EVA1A: variants seen among roughly 807,000 people sequenced by gnomAD.
EVA1A encodes eva-1 homolog A, regulator of programmed cell death, also known as protein eva-1 homolog A.
EVA1A carries 7 observed loss-of-function variants against 9.8 expected under a neutral mutation model. The observed-to-expected ratio is 0.71, with a 90% CI of 0.41 to 1.34. The LOEUF (loss-of-function observed/expected upper bound fraction) is 1.34. Ranked by LOEUF, EVA1A falls within the 40% of genes most tolerant of loss-of-function variation. The probability of loss-of-function intolerance (pLI) is 0.01; values close to 1 mark genes in which losing one functional copy is unlikely to be tolerated. For missense variants in EVA1A, 206 were observed against 205.9 expected, an observed-to-expected ratio of 1.00 and a Z score of 0.00; for synonymous variants, 90 against 85.6, an observed-to-expected ratio of 1.05 and a Z score of -0.28.
chr2:75,538,339 G>A (rs1029570278), intron 1 of EVA1A, among the ~76,000 whole-genome samples: 9 of 152,176 alleles, frequency 5.9e-5, no homozygotes, highest in East Asian at 1.9e-4. Flanking sequence ...AGTTCAGCAC[G>A]GTTGCAGGCA....
At chr2:75,522,040 G>A (rs985377168) in intron 2 of EVA1A, among the ~76,000 whole-genome samples, 3 of 151,996 alleles carry the variant, frequency 2.0e-5, no homozygotes, top group Admixed American at 1.3e-4. Flanking sequence ...AGTAAGAGAT[G>A]TTATTGCATT....
At chr2:75,558,398 A>G (rs971920340) in intron 1 of EVA1A, 1 of 152,244 alleles carries the variant, frequency 6.6e-6, no homozygotes, top group Non-Finnish European at 1.5e-5. Context: ...GCCTGACGCC[A>G]AAGCCTGAAA....
At chr2:75,507,944 G>A (rs2103810671) in intron 3 of EVA1A, among the ~76,000 whole-genome samples, 1 of 152,272 alleles carries the variant, frequency 6.6e-6, no homozygotes, top group Admixed American at 6.5e-5. Flanking sequence ...AGATTTCATG[G>A]ACATTTATTA....
intron 1 of EVA1A, among the ~76,000 whole-genome samples, chr2:75,557,630 C>A (rs1334050407): frequency 6.6e-6 from 1 of 152,162 alleles, no homozygotes; most frequent in Non-Finnish European, 1.5e-5. Flanking sequence ...AGTTTTCGAC[C>A]CCAAGTCTGC....
At chr2:75,511,318 T>C (rs546019168) in intron 3 of EVA1A, among the ~76,000 whole-genome samples, 1 of 152,216 alleles carries the variant, frequency 6.6e-6, no homozygotes, top group Non-Finnish European at 1.5e-5. Flanking sequence ...TGAACATACA[T>C]GTCATAGTTA....
intron 1 of EVA1A, among the ~76,000 whole-genome samples, chr2:75,543,797 T>C (rs945203700): frequency 6.6e-6 from 1 of 151,984 alleles, no homozygotes; most frequent in Non-Finnish European, 1.5e-5. Context: ...TCCCCGGAGG[T>C]GAAAGCCCTG....
chr2:75,504,587 G>C (rs187501125), intron 3 of EVA1A, among the ~76,000 whole-genome samples: 187 of 152,276 alleles, frequency 1.2e-3, no homozygotes, highest in African/African-American at 4.4e-3. Flanking sequence ...AGAAATCTCT[G>C]TTCCTACCTG....
intron 1 of EVA1A, among the ~76,000 whole-genome samples, chr2:75,559,424 G>T (rs951455809): frequency 6.6e-6 from 1 of 152,196 alleles, no homozygotes; most frequent in Non-Finnish European, 1.5e-5. Context: ...ATTCAAGCTG[G>T]TGGTCTCACT....
At chr2:75,529,804 A>G (rs1675579764) in intron 1 of EVA1A, among the ~76,000 whole-genome samples, 1 of 152,212 alleles carries the variant, frequency 6.6e-6, no homozygotes, top group South Asian at 2.1e-4. Context: ...GAAAGAGCTC[A>G]AATAGACAAT....
chr2:75,496,764 C>T (rs1392960500), intron 3 of EVA1A, among the ~76,000 whole-genome samples: 1 of 152,140 alleles, frequency 6.6e-6, no homozygotes, highest in African/African-American at 2.4e-5. Context: ...AAGCCAGAGG[C>T]ATCACATTAC....
At chr2:75,504,601 GGCTCTGATGTGT>G in intron 3 of EVA1A, among the ~76,000 whole-genome samples, 1 of 152,250 alleles carries the variant, frequency 6.6e-6, no homozygotes, top group Admixed American at 6.5e-5. Context: ...CTACCTGGCT[GGCTCTGATGTGT>G]GCTCCTTTAA....
intron 1 of EVA1A, among the ~76,000 whole-genome samples, chr2:75,531,568 ATAC>A (rs1675649991): frequency 6.6e-6 from 1 of 151,996 alleles, no homozygotes; most frequent in Non-Finnish European, 1.5e-5. Context: ...ATATGATGGA[ATAC>A]TACTCAGCCA....
intron 3 of EVA1A, among the ~76,000 whole-genome samples, chr2:75,509,588 C>T (rs527255301): frequency 1.4e-4 from 21 of 152,168 alleles, no homozygotes; most frequent in South Asian, 6.2e-4. Context: ...TGTTTTGATC[C>T]GTTCTTTCAC....
At chr2:75,502,386 C>T (rs1294788688) in intron 3 of EVA1A, among the ~76,000 whole-genome samples, 1 of 152,216 alleles carries the variant, frequency 6.6e-6, no homozygotes, top group Non-Finnish European at 1.5e-5. Context: ...TCAAAACCTA[C>T]AAATGCTGAA....
chr2:75,518,387 C>T (rs1675094718), intron 2 of EVA1A, among the ~76,000 whole-genome samples, 179 bp from the exon 3 acceptor site: 1 of 152,114 alleles, frequency 6.6e-6, no homozygotes, highest in Admixed American at 6.5e-5. Flanking sequence ...TATAGCTTCA[C>T]TATAGAGCTA....
chr2:75,537,523 C>T (rs369572615), intron 1 of EVA1A, among the ~76,000 whole-genome samples: 1 of 152,148 alleles, frequency 6.6e-6, no homozygotes, highest in Non-Finnish European at 1.5e-5. Flanking sequence ...AGAAATAAAA[C>T]TGTCCCTATT....
chr2:75,523,244 C>A (rs933578929), intron 1 of EVA1A, among the ~76,000 whole-genome samples: 1 of 152,138 alleles, frequency 6.6e-6, no homozygotes, highest in African/African-American at 2.4e-5. Flanking sequence ...CACTATCCTA[C>A]GTTAATTTTA....
rs73938942 is a variant in EVA1A, at chr2:75,526,406, T to A, written c.-191-3919A>T. ...GGAATTATACTAATAGTCCACATTT[T>A]TTGAGACCTTTCTCTTCAACCAGAT... is the stretch of plus-strand genomic sequence containing the variant. On this transcript the variant is annotated intron_variant, in intron 1 of 3. Coordinates refer to ENST00000393913, the MANE Select transcript of EVA1A (RefSeq NM_001135032.2). Among the ~76,000 whole-genome samples, 1,061 of 152,332 alleles carry A rather than the reference T, an allele frequency of 7.0e-3. 9 individuals carry two copies. Among genetic ancestry groups the A allele is most frequent in the African/African-American group, 0.024 (1,012 of 41,566 alleles).
At chr2:75,502,327 A>C (rs923595847) in intron 3 of EVA1A, among the ~76,000 whole-genome samples, 1 of 152,178 alleles carries the variant, frequency 6.6e-6, no homozygotes, top group African/African-American at 2.4e-5. Context: ...TCAGACCATG[A>C]AGGTTTCTAA....
Sources: allele counts gnomAD v4.1 joint callset (sites outside exome capture counted in the v4.1 genomes callset), GRCh38; gene constraint gnomAD v4.1.1; transcripts MANE v1.5; gene names NCBI Gene and HGNC (gene_info 2026-07-23, HGNC 2026-07-21).